CADPS2: variants seen among roughly 807,000 people sequenced by gnomAD.
CADPS2 encodes calcium dependent secretion activator 2, also known as calcium-dependent secretion activator 2.
Under a neutral mutation model 172.5 loss-of-function variants are expected in CADPS2, and 93 were observed. The observed-to-expected ratio is 0.54, with a 90% CI of 0.46 to 0.64. The LOEUF (loss-of-function observed/expected upper bound fraction) is 0.64. CADPS2 is among the 30% of genes least tolerant of loss of function. CADPS2 has a pLI of 0.00. For synonymous variants in CADPS2, 546 were observed against 555.2 expected (o/e 0.98, Z 0.23); for missense variants, 1,420 against 1,565.9 (o/e 0.91, Z 1.57).
At chr7:122,628,773 C>T (rs772746023) in intron 4 of CADPS2, among the ~76,000 whole-genome samples, 7 of 145,874 alleles carry the variant, frequency 4.8e-5, no homozygotes, top group Non-Finnish European at 1.1e-4. Context: ...ACTTCATCTG[C>T]CAGATTGCAT....
At chr7:122,360,465 G>T (rs913118958) in intron 27 of CADPS2, among the ~76,000 whole-genome samples, 1 of 152,078 alleles carries the variant, frequency 6.6e-6, no homozygotes, top group African/African-American at 2.4e-5. Flanking sequence ...CATAGAAAGG[G>T]GAGGAAAAGC....
At chr7:122,502,110 A>G (rs2059254855) in intron 9 of CADPS2, among the ~76,000 whole-genome samples, 2 of 152,164 alleles carry the variant, frequency 1.3e-5, no homozygotes, top group South Asian at 4.1e-4. Context: ...AAGGTGTTGG[A>G]GAAAGAGAAA....
chr7:122,327,842 G>C (rs1332355130), intron 28 of CADPS2, among the ~76,000 whole-genome samples: 1 of 151,890 alleles, frequency 6.6e-6, no homozygotes, highest in South Asian at 2.1e-4. Flanking sequence ...CTATTATTAA[G>C]TAAAATGTTT....
intron 7 of CADPS2, among the ~76,000 whole-genome samples, chr7:122,562,637 A>G (rs1024092475): frequency 6.6e-6 from 1 of 152,176 alleles, no homozygotes; most frequent in African/African-American, 2.4e-5. Context: ...TGTGTAGACA[A>G]TGAAAGCTAA....
intron 2 of CADPS2, among the ~76,000 whole-genome samples, chr7:122,675,225 G>A (rs758005791): frequency 4.3e-4 from 65 of 152,238 alleles, no homozygotes; most frequent in Non-Finnish European, 8.4e-4. Flanking sequence ...CACACAAAAC[G>A]GAGTCCTCTG....
chr7:122,709,926 A>C (rs1165006733), intron 2 of CADPS2, among the ~76,000 whole-genome samples: 1 of 151,984 alleles, frequency 6.6e-6, no homozygotes, highest in Non-Finnish European at 1.5e-5. Context: ...GGGAGAGGGA[A>C]GGGATAGCAT....
At position 122,663,558 on chromosome 7, in the gene CADPS2, C is replaced by G. The variant is rs1320101298; in HGVS notation, c.465G>C (p.Lys155Asn). The G allele has an allele frequency of 3.2e-6, 5 of 1,572,554 alleles. No individual in the cohort carries two copies. Among genetic ancestry groups the G allele is most frequent in the Non-Finnish European group, 4.3e-6 (5 of 1,157,442 alleles). Residue 155 changes from lysine to asparagine, a missense_variant, in exon 3 of 30, where the codon AAG becomes AAC. By Grantham distance (94) the Lys-to-Asn change is moderately conservative. Coordinates refer to ENST00000449022, the MANE Select transcript of CADPS2 (RefSeq NM_017954.11). ...AVRSYYEVFLKSDRVARMVQS... is the reference protein window; with the variant it reads ...AVRSYYEVFLNSDRVARMVQS... ...GTACCATTCTGGCCACTCGGTCACT[C>G]TTTAGAAAAACCTGAAAACAAAACA...
chr7:122,716,359 C>T (rs567876936), intron 2 of CADPS2, among the ~76,000 whole-genome samples: 1 of 152,184 alleles, frequency 6.6e-6, no homozygotes, highest in African/African-American at 2.4e-5. Flanking sequence ...GGCAGGCCCA[C>T]CCCCTTCTGC....
chr7:122,622,816 T>C (rs530104017), intron 4 of CADPS2, among the ~76,000 whole-genome samples: 1 of 152,276 alleles, frequency 6.6e-6, no homozygotes, highest in East Asian at 1.9e-4. Flanking sequence ...CTTGACATCA[T>C]TCAAAATCTA....
Position 122,360,936 on chromosome 7 carries a change from T to A in CADPS2, c.3465A>T (p.Ser1155=). The A allele has an allele frequency of 6.2e-7, 1 of 1,613,578 alleles. No homozygotes were observed. The highest frequency in any genetic ancestry group is 1.7e-5 in the Admixed American group (1 of 60,004). The part of the protein sequence containing the change: ...DEGTFFSSIL[S]FTVKAAAKYV... ...AACTCATTCAAATACTTACAGTGAA[T>A]GACAGAATGGATGAAAAGAAAGTGC... Residue 1155 remains serine (S), a synonymous_variant, in exon 26 of 30, where the codon TCA becomes TCT. Coordinates refer to ENST00000449022, the MANE Select transcript of CADPS2 (RefSeq NM_017954.11).
chr7:122,444,422 C>A (rs1054157198), intron 15 of CADPS2, among the ~76,000 whole-genome samples: 1 of 152,044 alleles, frequency 6.6e-6, no homozygotes, highest in East Asian at 1.9e-4. Context: ...ATATTCCTAC[C>A]AACAGCATAT....
intron 2 of CADPS2, among the ~76,000 whole-genome samples, chr7:122,724,807 C>A (rs537099087): frequency 1.3e-5 from 2 of 151,886 alleles, no homozygotes; most frequent in South Asian, 4.1e-4. Flanking sequence ...TGTAAGTCAG[C>A]GATTTCTAAC....
chr7:122,418,305 A>C (rs2048169209), intron 17 of CADPS2, among the ~76,000 whole-genome samples: 1 of 152,266 alleles, frequency 6.6e-6, no homozygotes, highest in South Asian at 2.1e-4. Flanking sequence ...AGATAAGGAA[A>C]CATGCTCAAA....
At chr7:122,465,995 T>C (rs1586317835) in intron 14 of CADPS2, among the ~76,000 whole-genome samples, 1 of 152,336 alleles carries the variant, frequency 6.6e-6, no homozygotes, top group Admixed American at 6.5e-5. Context: ...CATTACATAC[T>C]GTTTTTGAAA....
intron 7 of CADPS2, among the ~76,000 whole-genome samples, chr7:122,574,923 A>G (rs1195991142): frequency 6.6e-6 from 1 of 152,152 alleles, no homozygotes; most frequent in Non-Finnish European, 1.5e-5. Flanking sequence ...GAACTGGCAG[A>G]TGCCACCTTA....
chr7:122,542,756 C>A (rs528508461), intron 8 of CADPS2, among the ~76,000 whole-genome samples: 1 of 151,904 alleles, frequency 6.6e-6, no homozygotes, highest in Non-Finnish European at 1.5e-5. Context: ...CTACATCAGT[C>A]TAGAATCTCT....
At chr7:122,462,045 A>AATTCACAG (rs2054512675) in intron 14 of CADPS2, among the ~76,000 whole-genome samples, 1 of 152,234 alleles carries the variant, frequency 6.6e-6, no homozygotes, top group African/African-American at 2.4e-5. Flanking sequence ...TCCCAATAAC[A>AATTCACAG]ATTCACAGTG....
At chr7:122,721,389 C>G (rs1213868339) in intron 2 of CADPS2, among the ~76,000 whole-genome samples, 2 of 152,058 alleles carry the variant, frequency 1.3e-5, no homozygotes, top group African/African-American at 4.8e-5. Context: ...TACAAACTAC[C>G]ATCAGAGATT....
intron 28 of CADPS2, among the ~76,000 whole-genome samples, chr7:122,338,575 G>T (rs1287121234): frequency 6.6e-6 from 1 of 151,976 alleles, no homozygotes; most frequent in Non-Finnish European, 1.5e-5. Context: ...TGGACATACT[G>T]GTACAACAGT....
Sources: allele counts gnomAD v4.1 joint callset (sites outside exome capture counted in the v4.1 genomes callset), GRCh38; gene constraint gnomAD v4.1.1; transcripts MANE v1.5; gene names NCBI Gene and HGNC (gene_info 2026-07-23, HGNC 2026-07-21).